Variants in FSIP1 observed in about 807,000 individuals in gnomAD.
The protein encoded by FSIP1 is fibrous sheath-interacting protein 1.
FSIP1 carries 65 observed loss-of-function variants against 60.9 expected under a neutral mutation model. That is an observed-to-expected ratio of 1.07 (90% CI 0.87 to 1.31). FSIP1 has a LOEUF of 1.31. Ranked by LOEUF, FSIP1 falls within the 40% of genes most tolerant of loss-of-function variation. The probability of loss-of-function intolerance (pLI) is 0.00; values close to 1 mark genes in which losing one functional copy is unlikely to be tolerated. For missense variants in FSIP1, 675 were observed against 665.5 expected (o/e 1.01, Z -0.16); for synonymous variants, 209 against 221.2 (o/e 0.94, Z 0.49).
intron 10 of FSIP1, among the ~76,000 whole-genome samples, chr15:39,679,082 T>C (rs1270695792): frequency 6.6e-6 from 1 of 152,236 alleles, no homozygotes; most frequent in Non-Finnish European, 1.5e-5. Flanking sequence ...AGCTGTTTAG[T>C]GTCTTTGAAT....
chr15:39,707,241 G>A (rs2631701), intron 10 of FSIP1, among the ~76,000 whole-genome samples: 108,941 of 151,964 alleles, frequency 0.72, 40,657 homozygotes, highest in Non-Finnish European at 0.85. Context: ...GCTCCATTTC[G>A]CAGCAGGGTT....
intron 9 of FSIP1, among the ~76,000 whole-genome samples, chr15:39,721,163 G>A (rs1415670989): frequency 2.0e-5 from 3 of 152,116 alleles, no homozygotes; most frequent in Non-Finnish European, 4.4e-5. Context: ...CTTCATCTCT[G>A]AGCCACATTC....
intron 9 of FSIP1, among the ~76,000 whole-genome samples, chr15:39,719,054 C>T (rs898007102): frequency 9.9e-5 from 15 of 152,244 alleles, no homozygotes; most frequent in Middle Eastern, 3.4e-3. Flanking sequence ...TCATGGCCTC[C>T]GATGGCATAA....
chr15:39,616,073 A>T (rs1210500786), intron 11 of FSIP1, among the ~76,000 whole-genome samples: 3 of 152,234 alleles, frequency 2.0e-5, no homozygotes, highest in Non-Finnish European at 1.5e-5. Context: ...GTATATAATT[A>T]TGCCAATCTA....
intron 10 of FSIP1, among the ~76,000 whole-genome samples, chr15:39,667,628 T>C (rs1893549265): frequency 6.6e-6 from 1 of 151,992 alleles, no homozygotes; most frequent in African/African-American, 2.4e-5. Flanking sequence ...AGGAACACAT[T>C]ATTACCTCCC....
chr15:39,743,031 C>T (rs1448516422), intron 5 of FSIP1, among the ~76,000 whole-genome samples: 1 of 152,126 alleles, frequency 6.6e-6, no homozygotes, highest in Non-Finnish European at 1.5e-5. Context: ...GTAGGCTCAG[C>T]AAGTCAGCAA....
chr15:39,767,653 G>C (rs1261007961), intron 3 of FSIP1, among the ~76,000 whole-genome samples: 7 of 152,202 alleles, frequency 4.6e-5, no homozygotes, highest in Admixed American at 3.9e-4. Context: ...ACGTTGAGAG[G>C]AGCAGAGGAA....
chr15:39,643,448 C>A (rs1043539886), intron 10 of FSIP1, among the ~76,000 whole-genome samples: 1 of 151,998 alleles, frequency 6.6e-6, no homozygotes, highest in Non-Finnish European at 1.5e-5. Flanking sequence ...CTGGAGTTTC[C>A]CAGCTAGGTT....
chr15:39,728,036 A>G (rs532486697), intron 8 of FSIP1, among the ~76,000 whole-genome samples: 2 of 152,302 alleles, frequency 1.3e-5, no homozygotes, highest in East Asian at 1.9e-4. Context: ...TCCATTCACA[A>G]TAGCCATAAA....
intron 5 of FSIP1, among the ~76,000 whole-genome samples, chr15:39,742,313 T>C (rs1896830979): frequency 6.6e-6 from 1 of 152,216 alleles, no homozygotes; most frequent in Non-Finnish European, 1.5e-5. Flanking sequence ...ACTTCAAATA[T>C]GCGATCAGTC....
intron 5 of FSIP1, among the ~76,000 whole-genome samples, chr15:39,749,789 C>A (rs576793660): frequency 3.3e-5 from 5 of 151,932 alleles, no homozygotes; most frequent in Admixed American, 2.0e-4. Context: ...CTATTCAACA[C>A]AGTACTGGAA....
At chr15:39,695,472 A>C (rs998400563) in intron 10 of FSIP1, among the ~76,000 whole-genome samples, 19 of 151,966 alleles carry the variant, frequency 1.3e-4, no homozygotes, top group African/African-American at 4.4e-4. Context: ...ATATACTCCC[A>C]TGAGTTATAT....
chr15:39,724,488 G>A (rs1242879075), intron 9 of FSIP1, among the ~76,000 whole-genome samples: 1 of 152,022 alleles, frequency 6.6e-6, no homozygotes, highest in Non-Finnish European at 1.5e-5. Context: ...TCCTGACCTC[G>A]TGATCTACAC....
intron 10 of FSIP1, among the ~76,000 whole-genome samples, chr15:39,708,559 A>AT (rs573573280): frequency 2.0e-4 from 31 of 152,182 alleles, no homozygotes; most frequent in Middle Eastern, 3.4e-3. Context: ...ACCATCTGTG[A>AT]TTTTTCTACC....
chr15:39,717,960 G>GT (rs1390248809), intron 9 of FSIP1, among the ~76,000 whole-genome samples: 1 of 152,170 alleles, frequency 6.6e-6, no homozygotes, highest in Non-Finnish European at 1.5e-5. Flanking sequence ...GGGGGCTGGG[G>GT]TTGGCTAACC....
At chr15:39,741,174 A>G (rs1896789029) in intron 6 of FSIP1, among the ~76,000 whole-genome samples, 1 of 152,252 alleles carries the variant, frequency 6.6e-6, no homozygotes, top group African/African-American at 2.4e-5. Context: ...ACAACATTTA[A>G]AAAATACAAA....
intron 11 of FSIP1, 121 bp from the exon 12 acceptor site, chr15:39,601,047 C>T: frequency 2.8e-6 from 2 of 714,302 alleles, no homozygotes; most frequent in Non-Finnish European, 4.6e-6. Flanking sequence ...ATCACACTCT[C>T]ATTTAATACT....
At chr15:39,762,262 C>T (rs1486528534) in intron 5 of FSIP1, among the ~76,000 whole-genome samples, 1 of 152,228 alleles carries the variant, frequency 6.6e-6, no homozygotes, top group East Asian at 1.9e-4. Flanking sequence ...ATCAAGGTGT[C>T]AGCAGAGCAT....
chr15:39,709,930 C>T (rs1895428361), intron 10 of FSIP1, among the ~76,000 whole-genome samples: 1 of 152,070 alleles, frequency 6.6e-6, no homozygotes, highest in African/African-American at 2.4e-5. Context: ...GTCCTTGGCC[C>T]AGGCGTGGGG....
Sources: gnomAD v4.1 joint callset for allele counts (sites outside exome capture counted in the v4.1 genomes callset) on GRCh38, gnomAD v4.1.1 for gene constraint, MANE v1.5 for transcripts, NCBI Gene and HGNC (gene_info 2026-07-23, HGNC 2026-07-21) for gene names.